YARS1: variants seen among roughly 807,000 people sequenced by gnomAD.
YARS1 encodes the protein tyrosine--tRNA ligase, cytoplasmic.
Under a neutral mutation model 62.2 loss-of-function variants are expected in YARS1, and 36 were observed. That is an observed-to-expected ratio of 0.58 (90% CI 0.44 to 0.76). The LOEUF (loss-of-function observed/expected upper bound fraction) is 0.76. Ranked by LOEUF, YARS1 falls within the 30% of genes least tolerant of loss-of-function variation. The pLI, the probability that YARS1 is intolerant of heterozygous loss-of-function variation, is 0.00. For synonymous variants in YARS1, 234 were observed against 244.9 expected (o/e 0.96, Z 0.42); for missense variants, 524 against 639.8 (o/e 0.82, Z 1.95).
chr1:32,777,337 G>A (rs376648969), intron 12 of YARS1, among the ~76,000 whole-genome samples: 1 of 151,352 alleles, frequency 6.6e-6, no homozygotes, highest in Non-Finnish European at 1.5e-5. Flanking sequence ...AGGAGGCTTG[G>A]AACAGTGGCT....
rs1553123699 is a variant in YARS1 at position 32,791,168 on chromosome 1, T to C, written c.678A>G (p.Ser226=). ...GTCTCAGCTGGCAACTTACCTCTTCTGAAGAGCTCATTTTGCTGCCTGTTA... is the reference window on the plus strand; with the variant it reads ...GTCTCAGCTGGCAACTTACCTCTTCCGAAGAGCTCATTTTGCTGCCTGTTA... ...PGLTGSKMSS[S]EEESKIDLLD... The change falls in exon 6 of 13, where the codon TCA becomes TCG. Residue 226 remains serine (S), a synonymous_variant. Coordinates refer to ENST00000373477, the MANE Select transcript of YARS1 (RefSeq NM_003680.4). 8 of 1,614,030 alleles carry C rather than the reference T, an allele frequency of 5.0e-6. No homozygotes were observed. The highest frequency in any genetic ancestry group is 6.8e-6 in the Non-Finnish European group (8 of 1,179,920).
rs145841153 is a variant in YARS1 at position 32,796,122 on chromosome 1, G to A, written c.591+1641C>T. On this transcript the variant is annotated intron_variant, in intron 5 of 12. Coordinates refer to ENST00000373477, the MANE Select transcript of YARS1 (RefSeq NM_003680.4). ...AGCCTGGCCAACATAGTGAAACTCC[G>A]TCTCTACTAAAAATACAAAAAAATT... Among the ~76,000 whole-genome samples the A allele has an allele frequency of 5.4e-3, 820 of 151,434 alleles. 5 individuals carry two copies. Among genetic ancestry groups the A allele is most frequent in the Non-Finnish European group, 9.3e-3 (628 of 67,818 alleles).
intron 10 of YARS1, 87 bp from the exon 11 acceptor site, chr1:32,780,365 C>G (rs1653013769): frequency 1.3e-6 from 2 of 1,500,456 alleles, no homozygotes; most frequent in Admixed American, 3.3e-5. Flanking sequence ...AAAGGAGCAT[C>G]CACTCCTTAC....
chr1:32,795,385 T>C (rs951404571), intron 5 of YARS1, among the ~76,000 whole-genome samples: 4 of 152,226 alleles, frequency 2.6e-5, no homozygotes, highest in African/African-American at 9.6e-5. Flanking sequence ...AAAAATGTAG[T>C]AAAACTGTTT....
At chr1:32,794,789 C>T (rs942760608) in intron 5 of YARS1, among the ~76,000 whole-genome samples, 12 of 151,388 alleles carry the variant, frequency 7.9e-5, no homozygotes, top group Admixed American at 1.3e-4. Context: ...AGGTGGGTTA[C>T]GAGGTCAGGA....
chr1:32,802,356 A>T (rs1569757668), intron 4 of YARS1, among the ~76,000 whole-genome samples: 2 of 152,278 alleles, frequency 1.3e-5, no homozygotes, highest in East Asian at 3.9e-4. Context: ...ACTTCTGTTA[A>T]TATGGATATT....
At chr1:32,798,448 G>A (rs984718065) in intron 4 of YARS1, among the ~76,000 whole-genome samples, 1 of 152,148 alleles carries the variant, frequency 6.6e-6, no homozygotes, top group African/African-American at 2.4e-5. Flanking sequence ...TCATGCCAAA[G>A]GTATTCTACT....
Position 32,789,959 on chromosome 1 carries a change from C to T in YARS1, c.684+1203G>A, listed in dbSNP as rs560470259. Among the ~76,000 whole-genome samples the T allele has an allele frequency of 6.2e-5, 9 of 146,030 alleles. No individual in the cohort carries two copies. The East Asian group carries it at 1.9e-3, about 31-fold the overall frequency. ...AGTGCAACAGTGTGATCTTGGCTCACTGCAACCTCTGCCTCCTGGGTTCAA... is the reference window on the plus strand; with the variant it reads ...AGTGCAACAGTGTGATCTTGGCTCATTGCAACCTCTGCCTCCTGGGTTCAA... On this transcript the variant is annotated intron_variant, in intron 6 of 12. Transcript: ENST00000373477.
chr1:32,794,318 T>C (rs1653504312), intron 5 of YARS1, among the ~76,000 whole-genome samples: 1 of 151,926 alleles, frequency 6.6e-6, no homozygotes, highest in African/African-American at 2.4e-5. Flanking sequence ...CCGCTGCCCT[T>C]CAGCCTGGGT....
At chr1:32,816,894 A>G (rs1638756075) in intron 1 of YARS1, 1 of 565,602 alleles carries the variant, frequency 1.8e-6, no homozygotes, top group Non-Finnish European at 3.2e-6. Flanking sequence ...CCCAGCGACT[A>G]AGCACCACGT....
intron 4 of YARS1, among the ~76,000 whole-genome samples, chr1:32,801,319 A>AT (rs1416720089): frequency 6.6e-6 from 1 of 152,090 alleles, no homozygotes; most frequent in Admixed American, 6.6e-5. Context: ...ACTCACTTGG[A>AT]TTTTTTTGTT....
intron 6 of YARS1, among the ~76,000 whole-genome samples, chr1:32,789,626 T>A (rs1422178980): frequency 6.6e-6 from 1 of 151,784 alleles, no homozygotes; most frequent in East Asian, 1.9e-4. Context: ...TCTCACTCTG[T>A]GGCCCAGGCT....
At position 32,782,418 on chromosome 1, in the gene YARS1, T is replaced by G; in HGVS notation, c.1028A>C (p.Asp343Ala). Reference protein sequence around the residue: ...LKKLASAAYPDPSKQKPMAKG... With the variant: ...LKKLASAAYPAPSKQKPMAKG... ...GCTGGCCTTACTCTGCTTTGAGGGATCTGGGTAGGCAGCGCTGGCCAGTTT... is the reference window on the plus strand; with the variant it reads ...GCTGGCCTTACTCTGCTTTGAGGGAGCTGGGTAGGCAGCGCTGGCCAGTTT... Residue 343 changes from aspartate to alanine, a missense_variant, in exon 9 of 13, where the codon GAT (aspartate) becomes GCT (alanine). Asp to Ala is a moderately radical substitution (Grantham distance 126, BLOSUM62 -2). Transcript: ENST00000373477. 2.5e-6 allele frequency: 4 copies of G among 1,613,994 alleles called. No homozygotes were observed. The highest frequency in any genetic ancestry group is 3.4e-6 in the Non-Finnish European group (4 of 1,179,910).
intron 1 of YARS1, 153 bp from the exon 2 acceptor site, chr1:32,811,210 C>T (rs375479446): frequency 1.7e-6 from 2 of 1,149,368 alleles, no homozygotes; most frequent in South Asian, 1.2e-5. Context: ...AGATGTGATA[C>T]CCTACCTTGT....
intron 1 of YARS1, among the ~76,000 whole-genome samples, chr1:32,816,122 A>AG (rs1305148519): frequency 6.6e-6 from 1 of 151,812 alleles, no homozygotes; most frequent in African/African-American, 2.4e-5. Flanking sequence ...AAAAAAAAAA[A>AG]AAAAAAAGAT....
rs1385220506 is a variant in YARS1 at position 32,776,307 on chromosome 1, C to T, written c.1477-216G>A. Among the ~76,000 whole-genome samples, 2 of 152,050 alleles carry T rather than the reference C, an allele frequency of 1.3e-5. No individual in the cohort carries two copies. The highest frequency in any genetic ancestry group is 2.9e-5 in the Non-Finnish European group (2 of 67,998). On this transcript the variant is annotated intron_variant, in intron 12 of 12. Transcript: ENST00000373477. This position sits in a 1 kb window ranked among gnomAD's most constrained non-coding sequence, Gnocchi z 4.0. ...GGACTACAGGCATGCACCACCACGC[C>T]CGACTAATTTTGTACTTTTAGTAGA...
intron 6 of YARS1, among the ~76,000 whole-genome samples, chr1:32,788,911 G>C (rs977321347): frequency 6.6e-6 from 1 of 151,910 alleles, no homozygotes; most frequent in African/African-American, 2.4e-5. Flanking sequence ...TGCGACCTTT[G>C]CCTCCCAGGC....
intron 4 of YARS1, among the ~76,000 whole-genome samples, chr1:32,804,625 A>C (rs973224340): frequency 7.1e-6 from 1 of 140,714 alleles, no homozygotes; most frequent in Non-Finnish European, 1.5e-5. Context: ...CGCTCCTCAC[A>C]TCCCAGACGG....
At chr1:32,785,460 CA>C (rs768108945) in intron 8 of YARS1, among the ~76,000 whole-genome samples, 75 of 106,640 alleles carry the variant, frequency 7.0e-4, no homozygotes, top group Non-Finnish European at 6.9e-4. Context: ...GACTCTGTCT[CA>C]AAAAAAAAAA....
Sources: allele counts gnomAD v4.1 joint callset (sites outside exome capture counted in the v4.1 genomes callset), GRCh38; gene constraint gnomAD v4.1.1; non-coding constraint Gnocchi (gnomAD v3.1); transcripts MANE v1.5; gene names NCBI Gene and HGNC (gene_info 2026-07-23, HGNC 2026-07-21).